TENM3: variants seen among roughly 807,000 people sequenced by gnomAD.
The protein encoded by TENM3 is teneurin-3.
Under a neutral mutation model 255.1 loss-of-function variants are expected in TENM3, and 63 were observed. That is an observed-to-expected ratio of 0.25 (90% CI 0.20 to 0.30). The LOEUF (loss-of-function observed/expected upper bound fraction) is 0.30. Ranked by LOEUF, TENM3 falls within the 10% of genes least tolerant of loss-of-function variation. TENM3 has a pLI of 1.00. For missense variants in TENM3, 2,929 were observed against 3,461.1 expected, an observed-to-expected ratio of 0.85 and a Z score of 3.86; for synonymous variants, 1,306 against 1,322.3, an observed-to-expected ratio of 0.99 and a Z score of 0.27.
the TENM3 span, among the ~76,000 whole-genome samples, chr4:181,828,255 C>A: frequency 6.6e-6 from 1 of 152,218 alleles, no homozygotes; most frequent in Non-Finnish European, 1.5e-5. Flanking sequence ...CCGCCCCTGA[C>A]TGCGGCACCA....
At chr4:182,239,955 A>G (rs1757138288), upstream of TENM3, among the ~76,000 whole-genome samples, 1 of 152,190 alleles carries the variant, frequency 6.6e-6, no homozygotes, top group Admixed American at 6.5e-5. Context: ...AGAGAAATAG[A>G]TTCAGGAAGA....
At chr4:181,785,551 C>A in the TENM3 span, among the ~76,000 whole-genome samples, 1 of 152,076 alleles carries the variant, frequency 6.6e-6, no homozygotes, top group Admixed American at 6.6e-5. Flanking sequence ...TTCCGAAAAT[C>A]CAAAATCCAA....
At chr4:182,752,926 A>T (rs1415641870) in intron 20 of TENM3, among the ~76,000 whole-genome samples, 1 of 148,824 alleles carries the variant, frequency 6.7e-6, no homozygotes, top group Non-Finnish European at 1.5e-5. Context: ...ACAAAATTGG[A>T]TTATTTCCTT....
At chr4:181,792,261 G>C in the TENM3 span, among the ~76,000 whole-genome samples, 57 of 152,284 alleles carry the variant, frequency 3.7e-4, 2 homozygotes, top group South Asian at 0.012. Context: ...TATCTCGACT[G>C]CTTGTAAATA....
In TENM3 at chr4:182,755,019, A is replaced by T; in HGVS notation, c.4652A>T (p.Asn1551Ile). 3 of 1,614,020 alleles carry T rather than the reference A, an allele frequency of 1.9e-6. No homozygotes were observed. The South Asian group carries it at 3.3e-5, about 18-fold the overall frequency. ...YLYNFSYSND[N>I]DITAVTDSNG... The stretch of plus-strand genomic sequence containing the variant: ...TACAATTTTAGCTACAGCAATGACA[A>T]TGATATTACTGCTGTGACAGACAGC... The change falls in exon 22 of 28, where the codon AAT (asparagine) becomes ATT (isoleucine). Residue 1551 changes from asparagine (N) to isoleucine (I), a missense_variant. Physicochemically the swap from Asn to Ile is moderately radical, Grantham distance 149. Around this residue, in one of 6 missense-constraint regions of TENM3, gnomAD observed 1,608 missense variants for 1,884.4 expected, o/e 0.85. Coordinates refer to ENST00000511685, the MANE Select transcript of TENM3 (RefSeq NM_001080477.4).
chr4:181,746,613 T>C, the TENM3 span, among the ~76,000 whole-genome samples: 3 of 152,158 alleles, frequency 2.0e-5, no homozygotes, highest in African/African-American at 7.2e-5. Context: ...CATTTAATTA[T>C]CTACTTATCT....
At chr4:181,501,847 C>T in the TENM3 span, among the ~76,000 whole-genome samples, 1 of 152,196 alleles carries the variant, frequency 6.6e-6, no homozygotes, top group Admixed American at 6.5e-5. Flanking sequence ...GCTATAGAGT[C>T]TGAGGACATA....
At chr4:182,419,107 T>A (rs1269683384) in intron 3 of TENM3, among the ~76,000 whole-genome samples, 1 of 152,226 alleles carries the variant, frequency 6.6e-6, no homozygotes, top group Non-Finnish European at 1.5e-5. Flanking sequence ...ATAGTAATTA[T>A]CATAGCAAGT....
At chr4:181,951,854 G>A in the TENM3 span, among the ~76,000 whole-genome samples, 22 of 152,300 alleles carry the variant, frequency 1.4e-4, no homozygotes, top group African/African-American at 5.3e-4. Context: ...AGTAGTTCCA[G>A]GAAATGTAAT....
intron 3 of TENM3, among the ~76,000 whole-genome samples, chr4:182,547,029 A>G (rs1414156622): frequency 3.3e-5 from 5 of 152,286 alleles, no homozygotes; most frequent in African/African-American, 1.2e-4. Flanking sequence ...CAAAAGAAAT[A>G]TCTCCTCTTC....
chr4:182,528,601 CT>C (rs1739466598), intron 3 of TENM3, among the ~76,000 whole-genome samples: 2 of 152,106 alleles, frequency 1.3e-5, no homozygotes, highest in African/African-American at 4.8e-5. Context: ...AAAAATGCTT[CT>C]TTTATTACAA....
chr4:181,690,312 C>T, the TENM3 span, among the ~76,000 whole-genome samples: 3 of 152,062 alleles, frequency 2.0e-5, no homozygotes, highest in South Asian at 2.1e-4. Flanking sequence ...TTGAGGTGTT[C>T]TGTGGTCTTC....
intron 22 of TENM3, among the ~76,000 whole-genome samples, chr4:182,761,007 A>G (rs1763144868): frequency 6.6e-6 from 1 of 151,850 alleles, no homozygotes; most frequent in Non-Finnish European, 1.5e-5. Context: ...TAATTAGAAA[A>G]GTTATGCCCA....
the TENM3 span, among the ~76,000 whole-genome samples, chr4:181,637,243 C>G: frequency 5.8e-4 from 89 of 152,214 alleles, no homozygotes; most frequent in African/African-American, 2.1e-3. Context: ...ACTTCAGTGT[C>G]TTATCAAAAT....
chr4:182,524,842 A>C (rs1282724962), intron 3 of TENM3, among the ~76,000 whole-genome samples: 12 of 552 alleles, frequency 0.022, no homozygotes, highest in Admixed American at 0.11. Flanking sequence ...TGTCTCTACA[A>C]AAAAAAAAAA....
At chr4:182,425,802 G>A (rs929987332) in intron 3 of TENM3, among the ~76,000 whole-genome samples, 9 of 152,080 alleles carry the variant, frequency 5.9e-5, no homozygotes, top group African/African-American at 2.2e-4. Context: ...GAGGTCAGGA[G>A]ATCAAGACCA....
At chr4:182,168,702 T>G (rs757290099) in intron 1 of TENM3, among the ~76,000 whole-genome samples, 10 of 152,208 alleles carry the variant, frequency 6.6e-5, no homozygotes, top group Non-Finnish European at 1.3e-4. Context: ...ATATAAAAGT[T>G]TAAGATGTAA....
At chr4:181,711,023 A>T in the TENM3 span, among the ~76,000 whole-genome samples, 1 of 152,158 alleles carries the variant, frequency 6.6e-6, no homozygotes, top group African/African-American at 2.4e-5. Flanking sequence ...AAATATAGTT[A>T]ATCCTCACCA....
chr4:182,260,334 A>G (rs1452053603), intron 1 of TENM3, among the ~76,000 whole-genome samples: 1 of 152,194 alleles, frequency 6.6e-6, no homozygotes, highest in South Asian at 2.1e-4. Context: ...CATAGTGGCT[A>G]TACTAATTTG....
Sources: gnomAD v4.1 joint callset for allele counts (sites outside exome capture counted in the v4.1 genomes callset) on GRCh38, gnomAD v4.1.1 for gene constraint, gnomAD v4.1.1 regional missense constraint, MANE v1.5 for transcripts, NCBI Gene and HGNC (gene_info 2026-07-23, HGNC 2026-07-21) for gene names.